The following ADGRL2 variants were observed in gnomAD, a reference collection of about 807,000 sequenced individuals.
The protein encoded by ADGRL2 is calcium-independent alpha-latrotoxin receptor 2.
ADGRL2 carries 44 observed loss-of-function variants against 157.4 expected under a neutral mutation model. That is an observed-to-expected ratio of 0.28 (90% CI 0.22 to 0.36). The LOEUF is 0.36. Among genes scored for constraint, ADGRL2 ranks in the 10% least tolerant of loss-of-function variants. The pLI is 1.00. For missense variants in ADGRL2, 1,510 were observed against 1,768.9 expected (o/e 0.85, Z 2.63); for synonymous variants, 585 against 624.7 (o/e 0.94, Z 0.95).
chr1:81,562,343 T>G (rs140406888), intron 2 of ADGRL2, among the ~76,000 whole-genome samples: 23 of 152,296 alleles, frequency 1.5e-4, no homozygotes, highest in African/African-American at 5.1e-4. Context: ...AGTATGTCTA[T>G]AAATCCACAC....
At chr1:81,459,097 G>C (rs538346100) in intron 2 of ADGRL2, among the ~76,000 whole-genome samples, 1 of 152,270 alleles carries the variant, frequency 6.6e-6, no homozygotes, top group South Asian at 2.1e-4. Flanking sequence ...TAAGGGCTCA[G>C]AATATGGGAG....
At chr1:81,828,717 C>T (rs556346746) in intron 1 of ADGRL2, among the ~76,000 whole-genome samples, 2 of 151,814 alleles carry the variant, frequency 1.3e-5, no homozygotes, top group Non-Finnish European at 2.9e-5. Context: ...TTCTAAAAAC[C>T]ACATACCTCT....
At chr1:81,400,138 G>A (rs1342904486) in intron 1 of ADGRL2, among the ~76,000 whole-genome samples, 2 of 152,096 alleles carry the variant, frequency 1.3e-5, no homozygotes, top group Admixed American at 6.6e-5. Context: ...TTTCTCAGTG[G>A]TAAGGGCTTT....
chr1:81,762,050 C>T (rs1004030053), intron 2 of ADGRL2, among the ~76,000 whole-genome samples: 14 of 152,094 alleles, frequency 9.2e-5, no homozygotes, highest in African/African-American at 3.4e-4. Flanking sequence ...AAATATACTA[C>T]AGGATTTTTA....
chr1:81,662,759 C>T (rs2082678937), intron 3 of ADGRL2, among the ~76,000 whole-genome samples: 1 of 149,900 alleles, frequency 6.7e-6, no homozygotes, highest in Non-Finnish European at 1.5e-5. Flanking sequence ...GTTTCACCAT[C>T]TTGGCCAGGC....
intron 3 of ADGRL2, among the ~76,000 whole-genome samples, chr1:81,640,187 A>G (rs1175387137): frequency 2.6e-5 from 4 of 152,172 alleles, no homozygotes; most frequent in African/African-American, 9.7e-5. Flanking sequence ...ACAGAAACTC[A>G]AAGAAAACAC....
At chr1:81,405,618 C>G (rs2076839192) in intron 1 of ADGRL2, among the ~76,000 whole-genome samples, 1 of 143,014 alleles carries the variant, frequency 7.0e-6, no homozygotes, top group Non-Finnish European at 1.5e-5. Flanking sequence ...CCACCGCACT[C>G]CAGCCTGAAT....
At chr1:81,311,449 C>A (rs1259311626) in intron 1 of ADGRL2, among the ~76,000 whole-genome samples, 1 of 152,070 alleles carries the variant, frequency 6.6e-6, no homozygotes, top group Non-Finnish European at 1.5e-5. Flanking sequence ...CTTGTATTCC[C>A]AGTAGTTTGT....
chr1:81,720,138 T>A (rs903557530), intron 1 of ADGRL2, among the ~76,000 whole-genome samples: 1 of 152,094 alleles, frequency 6.6e-6, no homozygotes, highest in African/African-American at 2.4e-5. Flanking sequence ...AAAAAAGTAG[T>A]TGAAAAGGTC....
In ADGRL2 at chr1:81,704,364, C is replaced by A. The variant is rs1283301076; in HGVS notation, c.-143+4556C>A. 3.9e-5 allele frequency among the ~76,000 whole-genome samples: 6 copies of A among 152,302 alleles called. No homozygotes were observed. In the East Asian group the frequency reaches 1.2e-3, roughly 29 times the overall value. On this transcript the variant is annotated intron_variant, in intron 1 of 20. Coordinates refer to the ADGRL2 transcript ENST00000359929. ...TGCCTCAAGACAGAGCATAGCACAT[C>A]AGTCACTAAGTGGCTGCCAGTGGAC...
intron 1 of ADGRL2, among the ~76,000 whole-genome samples, chr1:81,319,574 C>T (rs915922777): frequency 1.4e-4 from 21 of 152,186 alleles, no homozygotes; most frequent in African/African-American, 3.6e-4. Context: ...CTCAGAGAGG[C>T]GGGGCTCAAC....
chr1:81,552,017 A>T lies in ADGRL2; in HGVS notation c.-247-28859A>T, dbSNP rs542691185. On this transcript the variant is annotated intron_variant, in intron 2 of 24. Coordinates refer to the ADGRL2 transcript ENST00000370721. ...TCATCTTCCATCTAGGACTTGGCCT[A>T]TTTTATTTGAATCTGCCTTTATTTG... is the stretch of plus-strand genomic sequence containing the variant. Among the ~76,000 whole-genome samples the T allele has an allele frequency of 3.3e-5, 5 of 152,232 alleles. No homozygotes were observed. In the South Asian group the frequency reaches 6.2e-4, roughly 19 times the overall value.
rs1050383319 is a variant in ADGRL2 at position 81,904,993 on chromosome 1, C to T, written c.74-2024C>T. On this transcript the variant is annotated intron_variant, in intron 2 of 23. Transcript: ENST00000686636. ...GAGTTTGATGGGAACAAGCCATATT[C>T]GAACGATAGCAAGTACCATGATCTC... Among the ~76,000 whole-genome samples the T allele has an allele frequency of 1.6e-4, 25 of 152,026 alleles. No individual in the cohort carries two copies. The East Asian group carries it at 4.1e-3, about 25-fold the overall frequency.
At chr1:81,460,768 C>T (rs2077909643) in intron 2 of ADGRL2, among the ~76,000 whole-genome samples, 1 of 152,170 alleles carries the variant, frequency 6.6e-6, no homozygotes, top group African/African-American at 2.4e-5. Flanking sequence ...TACCAAATTG[C>T]CTCTGAATAC....
exon 1 of ADGRL2, chr1:81,306,299 C>T (rs554702076): frequency 3.3e-5 from 5 of 152,226 alleles, no homozygotes; most frequent in South Asian, 4.1e-4. Context: ...AATCAGGAGC[C>T]GTGGCTCTCA....
intron 2 of ADGRL2, among the ~76,000 whole-genome samples, chr1:81,454,419 T>C (rs1006331892): frequency 6.6e-6 from 1 of 152,220 alleles, no homozygotes; most frequent in African/African-American, 2.4e-5. Flanking sequence ...GATTTCCAAG[T>C]ATCATCTTTG....
At chr1:81,637,335 T>C (rs1557525973) in intron 3 of ADGRL2, among the ~76,000 whole-genome samples, 1 of 152,172 alleles carries the variant, frequency 6.6e-6, no homozygotes, top group South Asian at 2.1e-4. Context: ...TAATCTTCAA[T>C]TTCTGAAGAG....
In ADGRL2 at chr1:81,322,889, ACT is replaced by A. The variant is rs112489681; in HGVS notation, c.-302+16383_-302+16384del. Among the ~76,000 whole-genome samples the A allele has an allele frequency of 2.5e-3, 378 of 152,090 alleles. 2 individuals carry two copies. The highest frequency in any genetic ancestry group is 8.6e-3 in the African/African-American group (358 of 41,490). On this transcript the variant is annotated intron_variant, in intron 1 of 24. Coordinates refer to the ADGRL2 transcript ENST00000370721. ...TGTTTGTTTGTTGAGACACGGCCTC[ACT>A]CTGTTGCCCAGGCTGGAGTGCAGTG...
intron 2 of ADGRL2, among the ~76,000 whole-genome samples, chr1:81,567,415 A>G (rs1195904455): frequency 6.6e-6 from 1 of 152,090 alleles, no homozygotes; most frequent in African/African-American, 2.4e-5. Flanking sequence ...TCTCCCTCCC[A>G]TTTGTGTGTC....
Sources: allele counts gnomAD v4.1 joint callset (sites outside exome capture counted in the v4.1 genomes callset), GRCh38; gene constraint gnomAD v4.1.1; transcripts MANE v1.5; gene names NCBI Gene and HGNC (gene_info 2026-07-23, HGNC 2026-07-21).